The following SYBU variants were observed in gnomAD, a reference collection of about 807,000 sequenced individuals.
The protein encoded by SYBU is GOLSYN A protein.
Under a neutral mutation model 35.9 loss-of-function variants are expected in SYBU, and 21 were observed. That is an observed-to-expected ratio of 0.58 (90% CI 0.41 to 0.84). SYBU has a LOEUF of 0.84. Ranked by LOEUF, SYBU falls within the 40% of genes least tolerant of loss-of-function variation. SYBU has a pLI of 0.00. For missense variants in SYBU, 768 were observed against 848.2 expected, an observed-to-expected ratio of 0.91 and a Z score of 1.17; for synonymous variants, 319 against 324.3, an observed-to-expected ratio of 0.98 and a Z score of 0.18.
At position 109,652,583 on chromosome 8, in the gene SYBU, G is replaced by A. The variant is rs57877857; in HGVS notation, c.-129+28128C>T. The stretch of plus-strand genomic sequence containing the variant: ...ACAATACCTGGTGTTTTGTTAATTA[G>A]CAATAGTTGACATTTTAAGAACACC... On this transcript the variant is annotated intron_variant, in intron 1 of 5. Transcript: ENST00000408889. Among the ~76,000 whole-genome samples, 1,155 of 152,214 alleles carry A rather than the reference G, an allele frequency of 7.6e-3. 16 individuals are homozygous for A. Among genetic ancestry groups the A allele is most frequent in the African/African-American group, 0.027 (1,104 of 41,532 alleles).
chr8:109,610,595 C>T (rs1457047501), intron 3 of SYBU, among the ~76,000 whole-genome samples: 1 of 152,216 alleles, frequency 6.6e-6, no homozygotes, highest in African/African-American at 2.4e-5. Flanking sequence ...GCTTACTTGG[C>T]TGCTCTTAGA....
chr8:109,665,939 A>G (rs1816737176), intron 1 of SYBU, among the ~76,000 whole-genome samples: 1 of 152,154 alleles, frequency 6.6e-6, no homozygotes, highest in Non-Finnish European at 1.5e-5. Context: ...CACTAAGGCC[A>G]TTTTGGGAGA....
rs1823419404 is a variant in SYBU, at chr8:109,584,712, G to C, written c.530+1348C>G. Among the ~76,000 whole-genome samples the C allele has an allele frequency of 1.3e-5, 2 of 152,032 alleles. No homozygotes were observed. Reference sequence around the variant, plus strand: ...TTTTTAATGATAAAACTGTGCCCTGGGGGTCTCAGGTCGCCTTATAAACAT... The same window carrying C: ...TTTTTAATGATAAAACTGTGCCCTGCGGGTCTCAGGTCGCCTTATAAACAT... On this transcript the variant is annotated intron_variant, in intron 4 of 6. Coordinates refer to ENST00000276646, the MANE Select transcript of SYBU (RefSeq NM_001099754.2). The surrounding 1 kb of genome is among the most constrained non-coding windows in gnomAD (Gnocchi z 4.0).
chr8:109,589,758 T>G (rs1164106673), intron 3 of SYBU, among the ~76,000 whole-genome samples: 1 of 152,204 alleles, frequency 6.6e-6, no homozygotes, highest in Non-Finnish European at 1.5e-5. Flanking sequence ...CTAACTAGAC[T>G]TATTTTTAAA....
chr8:109,659,074 C>A (rs1228687740), intron 1 of SYBU, among the ~76,000 whole-genome samples: 1 of 152,142 alleles, frequency 6.6e-6, no homozygotes, highest in South Asian at 2.1e-4. Flanking sequence ...GTAGAACTTA[C>A]ATATCATTTC....
At chr8:109,677,964 A>T (rs571496899) in intron 1 of SYBU, among the ~76,000 whole-genome samples, 2 of 151,760 alleles carry the variant, frequency 1.3e-5, no homozygotes, top group African/African-American at 4.8e-5. Context: ...GAAAAACCCC[A>T]TCTCTACTAA....
intron 1 of SYBU, among the ~76,000 whole-genome samples, chr8:109,668,163 G>GGGGAGA (rs1816827178): frequency 3.3e-5 from 1 of 30,570 alleles, no homozygotes; most frequent in African/African-American, 1.3e-4. Flanking sequence ...AGGGGGAGAG[G>GGGGAGA]GGGAGAGAGA....
rs184791816 is a variant in SYBU, at chr8:109,669,259, G to C, written c.-129+11452C>G. The stretch of plus-strand genomic sequence containing the variant: ...CGGGAGGCTGAGGCAGGAGAATGGC[G>C]TGAGCCCAGGAGGCGGAGCTTGCAG... On this transcript the variant is annotated intron_variant, in intron 1 of 5. Coordinates refer to the SYBU transcript ENST00000408889. 2.0e-5 allele frequency among the ~76,000 whole-genome samples: 3 copies of C among 148,458 alleles called. No individual in the cohort carries two copies. In the South Asian group the frequency reaches 6.4e-4, roughly 32 times the overall value.
At chr8:109,610,929 C>T (rs1051951765) in intron 3 of SYBU, among the ~76,000 whole-genome samples, 3 of 152,214 alleles carry the variant, frequency 2.0e-5, no homozygotes, top group Admixed American at 2.0e-4. Flanking sequence ...TTTTACCATA[C>T]TTTATCGAAT....
chr8:109,627,958 A>G (rs1005419880), intron 2 of SYBU, among the ~76,000 whole-genome samples: 2 of 152,208 alleles, frequency 1.3e-5, no homozygotes, highest in African/African-American at 4.8e-5. Flanking sequence ...GAACTCAGAG[A>G]TGTACAGAGC....
rs1812125495 is a variant in SYBU, at chr8:109,618,933, G to A, written c.336C>T (p.Thr112=). 3.7e-6 allele frequency: 6 copies of A among 1,614,030 alleles called. No homozygotes were observed. The highest frequency in any genetic ancestry group is 5.1e-6 in the Non-Finnish European group (6 of 1,180,040). ...GFCPGSDEGF[T]RKKCTIGMVG... ...CCATTCCAATCGTGCATTTCTTTCTGGTGAAGCCTTCATCACTTCCAGGGC... is the reference window on the plus strand; with the variant it reads ...CCATTCCAATCGTGCATTTCTTTCTAGTGAAGCCTTCATCACTTCCAGGGC... Residue 112 remains threonine (T), a synonymous_variant, in exon 3 of 7, where the codon ACC becomes ACT. Coordinates refer to ENST00000276646, the MANE Select transcript of SYBU (RefSeq NM_001099754.2).
intron 6 of SYBU, among the ~76,000 whole-genome samples, chr8:109,576,928 C>G (rs962032715): frequency 1.3e-5 from 2 of 152,140 alleles, no homozygotes; most frequent in Non-Finnish European, 2.9e-5. Context: ...ATTCCTTCCT[C>G]GAGTGCTCCA....
intron 3 of SYBU, among the ~76,000 whole-genome samples, chr8:109,616,182 T>C (rs558743191): frequency 1.3e-3 from 192 of 151,722 alleles, no homozygotes; most frequent in South Asian, 2.7e-3. Context: ...TGGCTAATTT[T>C]TGTATTTTTA....
At chr8:109,595,006 T>C (rs1345076588) in intron 3 of SYBU, among the ~76,000 whole-genome samples, 1 of 152,142 alleles carries the variant, frequency 6.6e-6, no homozygotes, top group Non-Finnish European at 1.5e-5. Context: ...TTTCATAGAG[T>C]TGTTGTAAGG....
At chr8:109,616,774 T>C (rs1178223960) in intron 3 of SYBU, among the ~76,000 whole-genome samples, 1 of 152,058 alleles carries the variant, frequency 6.6e-6, no homozygotes, top group Non-Finnish European at 1.5e-5. Context: ...TAGCCTACCT[T>C]TGCTGTTGAG....
chr8:109,577,774 TTTC>T, intron 6 of SYBU, 91 bp downstream of exon 6: 1 of 1,346,670 alleles, frequency 7.4e-7, no homozygotes, highest in East Asian at 2.5e-5. Flanking sequence ...ACAATCATTT[TTTC>T]TTTTCTATCT....
chr8:109,631,208 G>A lies in SYBU; in HGVS notation c.229+11520C>T, dbSNP rs577550871. ...GCAAATGAAGGTAGTTGTAAAGAAGGAAGGGAGCTCTTTTTTCTTTATAGA... is the reference window on the plus strand; with the variant it reads ...GCAAATGAAGGTAGTTGTAAAGAAGAAAGGGAGCTCTTTTTTCTTTATAGA... On this transcript the variant is annotated intron_variant, in intron 2 of 6. Transcript: ENST00000276646. Among the ~76,000 whole-genome samples, 7 of 152,266 alleles carry A rather than the reference G, an allele frequency of 4.6e-5. No homozygotes were observed. In the South Asian group the frequency reaches 1.5e-3, roughly 32 times the overall value.
At chr8:109,633,564 A>G (rs1041748653) in intron 2 of SYBU, among the ~76,000 whole-genome samples, 1 of 152,312 alleles carries the variant, frequency 6.6e-6, no homozygotes, top group South Asian at 2.1e-4. Context: ...GACTGTATCC[A>G]GCAGTGGCCG....
intron 1 of SYBU, among the ~76,000 whole-genome samples, chr8:109,659,419 C>G (rs1816479726): frequency 6.6e-6 from 1 of 152,140 alleles, no homozygotes; most frequent in African/African-American, 2.4e-5. Context: ...TCCAGTGTTG[C>G]AGGGGTAGGG....
Sources: allele counts gnomAD v4.1 joint callset (sites outside exome capture counted in the v4.1 genomes callset), GRCh38; gene constraint gnomAD v4.1.1; non-coding constraint Gnocchi (gnomAD v3.1); transcripts MANE v1.5; gene names NCBI Gene and HGNC (gene_info 2026-07-23, HGNC 2026-07-21).